Variants in ZNF438 observed in about 807,000 individuals in gnomAD.
The protein encoded by ZNF438 is zinc finger protein 438.
ZNF438 carries 25 observed loss-of-function variants against 38.0 expected under a neutral mutation model. The ratio of observed to expected loss-of-function variants is 0.66; its 90% confidence interval spans 0.48 to 0.92. The LOEUF is 0.92. Among genes scored for constraint, ZNF438 ranks in the 40% least tolerant of loss-of-function variants. The pLI is 0.00. For synonymous variants in ZNF438, 372 were observed against 364.1 expected (o/e 1.02, Z -0.25); for missense variants, 1,007 against 999.6 (o/e 1.01, Z -0.10).
In ZNF438 at chr10:30,851,965, C is replaced by T. The variant is rs114928304; in HGVS notation, c.38-1598G>A. On this transcript the variant is annotated intron_variant, in intron 4 of 5. Transcript: ENST00000413025. ...CTTGAGGTCAGGAGCTTGAAACCAA[C>T]CTGGCCACGTGATGAAACTCTGTCT... is the stretch of plus-strand genomic sequence containing the variant. 9.9e-3 allele frequency among the ~76,000 whole-genome samples: 1,511 copies of T among 151,978 alleles called. 26 individuals carry two copies. Among genetic ancestry groups the T allele is most frequent in the African/African-American group, 0.034 (1,399 of 41,464 alleles).
chr10:30,986,173 A>G (rs1462463213), intron 1 of ZNF438, among the ~76,000 whole-genome samples: 4 of 152,154 alleles, frequency 2.6e-5, no homozygotes, highest in African/African-American at 9.7e-5. Flanking sequence ...CTAATGATAC[A>G]TTTCTCAGAA....
chr10:30,955,646 C>A (rs1437194401), intron 1 of ZNF438, among the ~76,000 whole-genome samples: 2 of 152,152 alleles, frequency 1.3e-5, no homozygotes, highest in South Asian at 2.1e-4. Context: ...AGAATACCAC[C>A]CAGTGATCTC....
chr10:31,011,197 C>G (rs930142619), intron 1 of ZNF438, among the ~76,000 whole-genome samples: 1 of 152,152 alleles, frequency 6.6e-6, no homozygotes, highest in Non-Finnish European at 1.5e-5. Context: ...CAGGGATGAG[C>G]TGCTGCAAAA....
exon 6 of ZNF438, chr10:30,844,923 G>A (rs948878798): frequency 1.2e-5 from 19 of 1,586,398 alleles, no homozygotes; most frequent in Non-Finnish European, 1.6e-5. Context: ...GAAGGTGGCG[G>A]CAGAGCTCTC....
chr10:30,971,159 G>A (rs1388691796), intron 1 of ZNF438, among the ~76,000 whole-genome samples: 1 of 152,156 alleles, frequency 6.6e-6, no homozygotes. Flanking sequence ...ACTAAAGGTA[G>A]AATTTTATTC....
At chr10:30,845,446 C>G in exon 6 of ZNF438, 1 of 1,614,090 alleles carries the variant, frequency 6.2e-7, no homozygotes, top group Non-Finnish European at 8.5e-7. Context: ...CCATGAACAT[C>G]AAGTAAATGA....
chr10:30,953,562 T>C (rs532966073), intron 1 of ZNF438, among the ~76,000 whole-genome samples: 9 of 150,370 alleles, frequency 6.0e-5, no homozygotes, highest in African/African-American at 2.2e-4. Flanking sequence ...TATTTCATAA[T>C]GATGTAAGAA....
chr10:30,933,830 G>C (rs865923898), intron 2 of ZNF438, among the ~76,000 whole-genome samples: 5 of 152,214 alleles, frequency 3.3e-5, no homozygotes, highest in Middle Eastern at 3.4e-3. Flanking sequence ...AGGCACAGTG[G>C]GGGCACTGGG....
Position 30,874,108 on chromosome 10 carries a change from GTGTGTGTATATATATATATATATATATA to G in ZNF438, c.37+2862_37+2889del, listed in dbSNP as rs1465785391. 3.3e-4 allele frequency among the ~76,000 whole-genome samples: 36 copies of G among 108,268 alleles called. 1 individual carries two copies. Among genetic ancestry groups the G allele is most frequent in the African/African-American group, 1.1e-3 (28 of 25,402 alleles). 71.0% of individuals were successfully genotyped at this position (108,268 alleles called of 152,430 possible). A position where few individuals can be genotyped will look rare whatever the true frequency, so the allele number is the denominator to read the frequency against. ...ATTACGTGTGGGTGTGTGGGGGTGT[GTGTGTGTATATATATATATATATATATA>G]TATATATATATATATATATATATAT... On this transcript the variant is annotated intron_variant, in intron 4 of 5. Transcript: ENST00000413025.
intron 1 of ZNF438, among the ~76,000 whole-genome samples, chr10:30,982,099 CTT>C (rs538801257): frequency 5.5e-5 from 5 of 90,808 alleles, no homozygotes; most frequent in African/African-American, 3.2e-5. Flanking sequence ...TTTTCTCTTT[CTT>C]TTTTTTTTTT....
At chr10:30,955,719 G>A (rs2048790809) in intron 1 of ZNF438, among the ~76,000 whole-genome samples, 1 of 152,178 alleles carries the variant, frequency 6.6e-6, no homozygotes, top group Non-Finnish European at 1.5e-5. Flanking sequence ...TCAACCCATA[G>A]AACGATGAGC....
At chr10:30,893,418 A>G (rs552165191) in intron 3 of ZNF438, among the ~76,000 whole-genome samples, 1 of 152,362 alleles carries the variant, frequency 6.6e-6, no homozygotes, top group East Asian at 1.9e-4. Context: ...GGAAGTGAGC[A>G]TTAGTGTTCA....
At chr10:30,908,375 G>C (rs2042779153) in intron 3 of ZNF438, among the ~76,000 whole-genome samples, 1 of 152,166 alleles carries the variant, frequency 6.6e-6, no homozygotes, top group Non-Finnish European at 1.5e-5. Context: ...ATGTCTGTTA[G>C]GTGTATGTGG....
chr10:30,986,130 C>T (rs2052757137), intron 1 of ZNF438, among the ~76,000 whole-genome samples: 1 of 152,142 alleles, frequency 6.6e-6, no homozygotes, highest in South Asian at 2.1e-4. Flanking sequence ...CATATCAGTA[C>T]ACTCTATGAT....
chr10:30,950,069 A>C (rs1392508437), intron 1 of ZNF438, among the ~76,000 whole-genome samples: 1 of 151,154 alleles, frequency 6.6e-6, no homozygotes, highest in African/African-American at 2.4e-5. Flanking sequence ...CAGTGCAATC[A>C]AACTAGAACT....
At chr10:31,031,920 G>GC (rs1466457060) in exon 1 of ZNF438, 2 of 152,374 alleles carry the variant, frequency 1.3e-5, no homozygotes, top group African/African-American at 2.4e-5. Context: ...GGGCCGCTGG[G>GC]CCCCCAGGCT....
At chr10:30,947,988 C>T (rs988775089) in intron 1 of ZNF438, among the ~76,000 whole-genome samples, 1 of 152,220 alleles carries the variant, frequency 6.6e-6, no homozygotes, top group Admixed American at 6.5e-5. Flanking sequence ...ATCGCTCACG[C>T]TGGGAGCTGT....
chr10:31,005,799 A>G (rs967528241), intron 1 of ZNF438, among the ~76,000 whole-genome samples: 2 of 152,250 alleles, frequency 1.3e-5, no homozygotes, highest in African/African-American at 4.8e-5. Flanking sequence ...AATGCTCATC[A>G]TCCTATTTAC....
rs139813625 is a variant in ZNF438, at chr10:30,938,135, G to A, written c.-115+3440C>T. On this transcript the variant is annotated intron_variant, in intron 2 of 5. Coordinates refer to ENST00000413025, the Ensembl canonical transcript of ZNF438. ...TATCTACTGCCAGGGTTGAACCAGC[G>A]GTCTAATTCCCTGCCCCGCACCCCC... Among the ~76,000 whole-genome samples the A allele has an allele frequency of 8.5e-5, 13 of 152,146 alleles. 1 individual carries two copies. The highest frequency in any genetic ancestry group is 1.9e-4 in the African/African-American group (8 of 41,504).
Sources: allele counts gnomAD v4.1 joint callset (sites outside exome capture counted in the v4.1 genomes callset), GRCh38; gene constraint gnomAD v4.1.1; transcripts MANE v1.5; gene names NCBI Gene and HGNC (gene_info 2026-07-23, HGNC 2026-07-21).